Variants in VPS37C observed in about 807,000 individuals in gnomAD.
VPS37C encodes the protein VPS37C subunit of ESCRT-I.
In VPS37C, 9 loss-of-function variants were observed where a neutral mutation model predicts 16.1. The ratio of observed to expected loss-of-function variants is 0.56; its 90% CI spans 0.34 to 0.97. The LOEUF (loss-of-function observed/expected upper bound fraction) is 0.97, where lower values mean the gene tolerates loss of function less well. Ranked by LOEUF, VPS37C falls within the 50% of genes least tolerant of loss-of-function variation. The pLI is 0.02. For missense variants in VPS37C, 479 were observed against 472.7 expected (o/e 1.01, Z -0.12); for synonymous variants, 207 against 206.4 (o/e 1.00, Z -0.02).
chr11:61,133,956 C>T lies in VPS37C; in HGVS notation c.265+80G>A, dbSNP rs11230604. 10,106 of 1,500,666 alleles carry T rather than the reference C, an allele frequency of 6.7e-3. 589 individuals are homozygous for T. The African/African-American group carries it at 0.13, about 19-fold the overall frequency. 93.0% of individuals were successfully genotyped at this position (1,500,666 alleles called of 1,614,324 possible). A position where few individuals can be genotyped will look rare whatever the true frequency, so the allele number is the denominator to read the frequency against. ...GTTGTGAAAAAATATACATAAAGCA[C>T]TTAGCACAGGGCTGGGAACACGGTG... On this transcript the variant is annotated intron_variant, in intron 3 of 4. Transcript: ENST00000301765.
In VPS37C at chr11:61,136,977, C is replaced by T. The variant is rs191425985; in HGVS notation, c.93+1760G>A. ...TGAGCCATGATGGCGCCATTGCACT[C>T]CAGCCTGGGTGACAAAGTAAGACCC... On this transcript the variant is annotated intron_variant, in intron 2 of 4. Coordinates refer to ENST00000301765, the MANE Select transcript of VPS37C (RefSeq NM_017966.5). Among the ~76,000 whole-genome samples, 224 of 152,122 alleles carry T rather than the reference C, an allele frequency of 1.5e-3. 1 individual carries two copies. The highest frequency in any genetic ancestry group is 5.3e-3 in the African/African-American group (218 of 41,476).
In VPS37C at chr11:61,133,984, C is replaced by T; in HGVS notation, c.265+52G>A. ...AGCACAGGGCTGGGAACACGGTGGG[C>T]CTCCGTCCAACCCTGAATGGGGACC... is the stretch of plus-strand genomic sequence containing the variant. On this transcript the variant is annotated intron_variant, in intron 3 of 4. Transcript: ENST00000301765. 3.2e-6 allele frequency: 5 copies of T among 1,562,642 alleles called. No homozygotes were observed. In the South Asian group the frequency reaches 5.8e-5, roughly 18 times the overall value.
rs1179594656 is a variant in VPS37C at position 61,132,188 on chromosome 11, G to A, written c.700C>T (p.Pro234Ser). 1.3e-6 allele frequency: 2 copies of A among 1,493,152 alleles called. No individual in the cohort carries two copies. The highest frequency in any genetic ancestry group is 8.9e-7 in the Non-Finnish European group (1 of 1,121,908). 92.5% of individuals were successfully genotyped at this position (1,493,152 alleles called of 1,614,324 possible). The change falls in exon 5 of 5, where the codon CCC becomes TCC. Residue 234 changes from proline to serine, a missense_variant. By Grantham distance (74) the Pro-to-Ser change is moderately conservative. Coordinates refer to ENST00000301765, the MANE Select transcript of VPS37C (RefSeq NM_017966.5). ...PPAPFPVVSQ[P>S]SFYSGPLGPT... The stretch of plus-strand genomic sequence containing the variant: ...CCCAGAGGCCCGCTGTAGAAGGAGG[G>A]CTGGGACACTACTGGGAAAGGGGCC...
chr11:61,131,918 G>A lies in VPS37C; in HGVS notation c.970C>T (p.Pro324Ser), dbSNP rs1448263746. Residue 324 changes from proline to serine, a missense_variant, in exon 5 of 5, where the codon CCC becomes TCC. Pro to Ser is a moderately conservative substitution (Grantham distance 74). Coordinates refer to ENST00000301765, the MANE Select transcript of VPS37C (RefSeq NM_017966.5). Reference protein sequence around the residue: ...QPQLPSFPGQPQPSVPLQPPY... With the variant: ...QPQLPSFPGQSQPSVPLQPPY... Reference sequence around the variant, plus strand: ...GGCTGCAGGGGCACTGAGGGCTGGGGCTGGCCTGGAAAGCTGGGGAGCTGA... The same window carrying A: ...GGCTGCAGGGGCACTGAGGGCTGGGACTGGCCTGGAAAGCTGGGGAGCTGA... 1 of 1,295,296 alleles carries A rather than the reference G, an allele frequency of 7.7e-7. No individual in the cohort carries two copies. The highest frequency in any genetic ancestry group is 2.9e-5 in the South Asian group (1 of 34,430). The allele number at this position is 1,295,296 out of a possible 1,614,324, so 80.2% of individuals were successfully genotyped here. A position where few individuals can be genotyped will look rare whatever the true frequency, so the allele number is the denominator to read the frequency against.
At chr11:61,149,050 G>A (rs975063315) in intron 1 of VPS37C, among the ~76,000 whole-genome samples, 1 of 152,256 alleles carries the variant, frequency 6.6e-6, no homozygotes, top group African/African-American at 2.4e-5. Context: ...GGGAGGCCAA[G>A]GCGGGCGGAC....
intron 4 of VPS37C, chr11:61,132,808 G>C (rs1252738392): frequency 1.9e-4 from 109 of 577,652 alleles, no homozygotes; most frequent in Non-Finnish European, 4.3e-5. Context: ...GCCCACAGTG[G>C]CCACTGCATA....
rs543049768 is a variant in VPS37C, at chr11:61,130,919, A to C, written c.*901T>G. 1 of 393,922 alleles carries C rather than the reference A, an allele frequency of 2.5e-6. No homozygotes were observed. Among genetic ancestry groups the C allele is most frequent in the Non-Finnish European group, 4.9e-6 (1 of 205,568 alleles). The allele number at this position is 393,922 out of a possible 1,614,324, so 24.4% of individuals were successfully genotyped here. On this transcript the variant is annotated 3_prime_UTR_variant, in exon 5 of 5. Coordinates refer to ENST00000301765, the MANE Select transcript of VPS37C (RefSeq NM_017966.5). ...GAAGGGAGGGGGCTGCTTGTGAATGAGATTCAAGGCACTAAAGGAGTGGAT... is the reference window on the plus strand; with the variant it reads ...GAAGGGAGGGGGCTGCTTGTGAATGCGATTCAAGGCACTAAAGGAGTGGAT...
rs575300059 is a variant in VPS37C at position 61,136,234 on chromosome 11, C to T, written c.94-2027G>A. On this transcript the variant is annotated intron_variant, in intron 2 of 4. Transcript: ENST00000301765. ...AGGCTGGAGTGCAATGGCGCAATCTCGGCTCACTTCAACCTCTGCCTCCTG... is the reference window on the plus strand; with the variant it reads ...AGGCTGGAGTGCAATGGCGCAATCTTGGCTCACTTCAACCTCTGCCTCCTG... Among the ~76,000 whole-genome samples, 4 of 147,896 alleles carry T rather than the reference C, an allele frequency of 2.7e-5. No homozygotes were observed. In the East Asian group the frequency reaches 8.0e-4, roughly 30 times the overall value.
chr11:61,158,846 T>C (rs1853419892), intron 1 of VPS37C, among the ~76,000 whole-genome samples: 1 of 152,194 alleles, frequency 6.6e-6, no homozygotes, highest in South Asian at 2.1e-4. Flanking sequence ...AGATATGAAT[T>C]GGAAGGAGCA....
intron 1 of VPS37C, among the ~76,000 whole-genome samples, chr11:61,148,367 T>C (rs1282232715): frequency 1.3e-5 from 2 of 152,142 alleles, no homozygotes; most frequent in African/African-American, 2.4e-5. Context: ...CCAGGGCAAC[T>C]TGCAAAGTCC....
chr11:61,157,902 A>G (rs1019045877), intron 1 of VPS37C, among the ~76,000 whole-genome samples: 12 of 152,188 alleles, frequency 7.9e-5, no homozygotes, highest in African/African-American at 2.9e-4. Flanking sequence ...CTTAGTTCAC[A>G]TGAGAGCTGG....
chr11:61,132,786 GCAT>G, intron 4 of VPS37C: 1 of 606,580 alleles, frequency 1.6e-6, no homozygotes, highest in South Asian at 2.1e-5. Flanking sequence ...TGGCACCTTG[GCAT>G]CATGCCAGGC....
At chr11:61,139,168 G>A (rs1168577065) in intron 1 of VPS37C, among the ~76,000 whole-genome samples, 1 of 152,212 alleles carries the variant, frequency 6.6e-6, no homozygotes, top group Non-Finnish European at 1.5e-5. Flanking sequence ...GAGAGGGCCA[G>A]GCAGCAGGGA....
intron 3 of VPS37C, among the ~76,000 whole-genome samples, 184 bp from the exon 4 acceptor site, chr11:61,133,521 G>A (rs554537673): frequency 6.6e-6 from 1 of 152,284 alleles, no homozygotes; most frequent in African/African-American, 2.4e-5. Flanking sequence ...AGAAGGGCCC[G>A]AATGAACCTA....
intron 1 of VPS37C, among the ~76,000 whole-genome samples, chr11:61,152,091 G>C (rs2134652892): frequency 6.6e-6 from 1 of 152,298 alleles, no homozygotes; most frequent in South Asian, 2.1e-4. Context: ...CCTTTAAGGA[G>C]GGATCAAGAG....
chr11:61,136,311 C>T (rs1018202301), intron 2 of VPS37C, among the ~76,000 whole-genome samples: 14 of 151,938 alleles, frequency 9.2e-5, no homozygotes, highest in Admixed American at 3.9e-4. Flanking sequence ...GTAGCTGGGA[C>T]TACAGGCACG....
chr11:61,132,425 C>G lies in VPS37C; in HGVS notation c.463G>C (p.Glu155Gln). ...GAAGCCCTGGGCTTCCTCACCACTT[C>G]CTGGAGCTTTTCCACGCGAACCCGG... ...LRRVRVEKLQ[E>Q]VVRKPRASQE... The change falls in exon 5 of 5, where the codon GAA (glutamate) becomes CAA (glutamine). Residue 155 changes from glutamate (E) to glutamine (Q), a missense_variant. Glu to Gln is a conservative substitution (Grantham distance 29). Coordinates refer to ENST00000301765, the MANE Select transcript of VPS37C (RefSeq NM_017966.5). 1.2e-6 allele frequency: 2 copies of G among 1,611,296 alleles called. No individual in the cohort carries two copies. The highest frequency in any genetic ancestry group is 1.3e-5 in the African/African-American group (1 of 74,950).
At chr11:61,149,308 A>G (rs1399900110) in intron 1 of VPS37C, among the ~76,000 whole-genome samples, 1 of 152,206 alleles carries the variant, frequency 6.6e-6, no homozygotes, top group Non-Finnish European at 1.5e-5. Context: ...CAAACAAAAA[A>G]GACTAAGTGA....
At chr11:61,133,509 A>G (rs760384097) in intron 3 of VPS37C, among the ~76,000 whole-genome samples, 172 bp from the exon 4 acceptor site, 8 of 152,214 alleles carry the variant, frequency 5.3e-5, no homozygotes, top group Non-Finnish European at 7.4e-5. Flanking sequence ...CTTCCTGAGC[A>G]GAGAAGGGCC....
Sources: gnomAD v4.1 joint callset for allele counts (sites outside exome capture counted in the v4.1 genomes callset) on GRCh38, gnomAD v4.1.1 for gene constraint, MANE v1.5 for transcripts, NCBI Gene and HGNC (gene_info 2026-07-23, HGNC 2026-07-21) for gene names.